The following GABRB3 variants were observed in gnomAD, a reference collection of about 807,000 sequenced individuals.
GABRB3 encodes the protein gamma-aminobutyric acid type A receptor subunit beta3, also known as gamma-aminobutyric acid receptor subunit beta-3.
GABRB3 carries 14 observed loss-of-function variants against 52.1 expected under a neutral mutation model. That is an observed-to-expected ratio of 0.27 (90% CI 0.18 to 0.42). The LOEUF (loss-of-function observed/expected upper bound fraction) is 0.42, where lower values mean the gene tolerates loss of function less well. Among genes scored for constraint, GABRB3 ranks in the 10% least tolerant of loss-of-function variants. The probability of loss-of-function intolerance (pLI) is 1.00; values close to 1 mark genes in which losing one functional copy is unlikely to be tolerated. For missense variants in GABRB3, 307 were observed against 609.1 expected, an observed-to-expected ratio of 0.50 and a Z score of 5.22; for synonymous variants, 260 against 232.3, an observed-to-expected ratio of 1.12 and a Z score of -1.08.
chr15:26,597,702 A>G (rs1445880216), intron 4 of GABRB3, among the ~76,000 whole-genome samples: 3 of 152,228 alleles, frequency 2.0e-5, no homozygotes, highest in African/African-American at 7.2e-5. Context: ...CTCCACCACC[A>G]ATACCTAACT....
intron 3 of GABRB3, among the ~76,000 whole-genome samples, chr15:26,673,223 T>A (rs924737503): frequency 6.6e-6 from 1 of 152,146 alleles, no homozygotes; most frequent in Non-Finnish European, 1.5e-5. Context: ...TCCTTCCTTC[T>A]TTCCTTCCTT....
At chr15:26,560,323 G>GT (rs1439387381) in intron 8 of GABRB3, among the ~76,000 whole-genome samples, 1 of 152,202 alleles carries the variant, frequency 6.6e-6, no homozygotes, top group Non-Finnish European at 1.5e-5. Context: ...ACTCACTTCT[G>GT]TAAGTGGAGA....
At chr15:26,664,497 T>G (rs914830124) in intron 3 of GABRB3, among the ~76,000 whole-genome samples, 1 of 152,170 alleles carries the variant, frequency 6.6e-6, no homozygotes, top group Admixed American at 6.5e-5. Flanking sequence ...GTCTTGACTG[T>G]GTATGTTTCA....
intron 3 of GABRB3, among the ~76,000 whole-genome samples, chr15:26,719,918 C>T (rs1199838017): frequency 1.3e-5 from 2 of 152,188 alleles, no homozygotes; most frequent in African/African-American, 4.8e-5. Context: ...GCCATCATAT[C>T]CCCTGTGACC....
At chr15:26,758,937 G>GC (rs1720226082) in intron 3 of GABRB3, among the ~76,000 whole-genome samples, 1 of 152,112 alleles carries the variant, frequency 6.6e-6, no homozygotes, top group South Asian at 2.1e-4. Context: ...TCCATCTACA[G>GC]CGGAAAAACC....
At chr15:26,549,061 T>A (rs1252526364) in intron 8 of GABRB3, among the ~76,000 whole-genome samples, 1 of 152,138 alleles carries the variant, frequency 6.6e-6, no homozygotes, top group African/African-American at 2.4e-5. Flanking sequence ...GGAGGGCCAT[T>A]TTCTTTGTCC....
chr15:26,684,389 A>G (rs1888335776), intron 3 of GABRB3, among the ~76,000 whole-genome samples: 1 of 152,184 alleles, frequency 6.6e-6, no homozygotes, highest in African/African-American at 2.4e-5. Context: ...AATGATGGGG[A>G]GTACGAGAGA....
chr15:26,663,420 A>G (rs1887609348), intron 3 of GABRB3, among the ~76,000 whole-genome samples: 2 of 152,210 alleles, frequency 1.3e-5, no homozygotes, highest in Non-Finnish European at 1.5e-5. Context: ...ATGCACGCAT[A>G]TTTGGGACTG....
intron 3 of GABRB3, among the ~76,000 whole-genome samples, chr15:26,741,802 G>T (rs1890215323): frequency 6.6e-6 from 1 of 152,016 alleles, no homozygotes; most frequent in Admixed American, 6.6e-5. Flanking sequence ...AGAGATGGGG[G>T]TCTCGCTATG....
Position 26,554,150 on chromosome 15 carries a change from ATATATATAAAG to A in GABRB3, c.1081-6027_1081-6017del, listed in dbSNP as rs1226445124. ...GTGTATATATATATATAAAGTATAT[ATATATATAAAG>A]TATATATATATAAAGTATATATATA... On this transcript the variant is annotated intron_variant, in intron 8 of 8. Transcript: ENST00000311550. Among the ~76,000 whole-genome samples the A allele has an allele frequency of 4.3e-5, 3 of 69,778 alleles. No individual in the cohort carries two copies. The East Asian group carries it at 8.3e-4, about 19-fold the overall frequency. The allele number at this position is 69,778 out of a possible 152,430, so 45.8% of individuals were successfully genotyped here.
At chr15:26,568,230 G>A (rs146851841) in intron 6 of GABRB3, among the ~76,000 whole-genome samples, 5 of 152,218 alleles carry the variant, frequency 3.3e-5, no homozygotes, top group African/African-American at 7.2e-5. Flanking sequence ...AATGAGAGAG[G>A]CAGAGAAGCA....
intron 4 of GABRB3, among the ~76,000 whole-genome samples, chr15:26,606,807 T>TCG (rs879451991): frequency 0.37 from 33,475 of 91,008 alleles, 5,685 homozygotes; most frequent in Non-Finnish European, 0.47. Context: ...GATATATCTA[T>TCG]AGATAGATAG....
chr15:26,707,740 G>C (rs1383145135), intron 3 of GABRB3, among the ~76,000 whole-genome samples: 2 of 152,166 alleles, frequency 1.3e-5, no homozygotes, highest in African/African-American at 4.8e-5. Flanking sequence ...TGTCACTTAG[G>C]CTTGGCAAGT....
At chr15:26,734,631 T>G (rs1595558196) in intron 3 of GABRB3, among the ~76,000 whole-genome samples, 6 of 99,996 alleles carry the variant, frequency 6.0e-5, no homozygotes, top group African/African-American at 1.7e-4. Flanking sequence ...GGCAACAGGG[T>G]GAGTCTCAAA....
intron 4 of GABRB3, among the ~76,000 whole-genome samples, chr15:26,585,732 CAAG>C (rs1291293391): frequency 6.6e-6 from 1 of 152,152 alleles, no homozygotes; most frequent in Non-Finnish European, 1.5e-5. Flanking sequence ...TCCATGGAGT[CAAG>C]GAGTGCATTA....
In GABRB3 at chr15:26,721,858, G is replaced by A. The variant is rs529357188; in HGVS notation, c.240+50544C>T. On this transcript the variant is annotated intron_variant, in intron 3 of 8. Transcript: ENST00000311550. ...AGCAGATTTCAGCTGCAACTTCATTGCTCCCAGAGGATGTAGTGGCATCTG... is the reference window on the plus strand; with the variant it reads ...AGCAGATTTCAGCTGCAACTTCATTACTCCCAGAGGATGTAGTGGCATCTG... 2.6e-5 allele frequency among the ~76,000 whole-genome samples: 4 copies of A among 152,000 alleles called. No individual in the cohort carries two copies. The South Asian group carries it at 8.4e-4, about 32-fold the overall frequency.
intron 4 of GABRB3, among the ~76,000 whole-genome samples, chr15:26,594,837 T>G (rs998609292): frequency 3.9e-5 from 6 of 152,150 alleles, no homozygotes; most frequent in Non-Finnish European, 8.8e-5. Context: ...AAGAATTTCT[T>G]TAAGTGCCAA....
chr15:26,585,907 T>C (rs1014507519), intron 4 of GABRB3, among the ~76,000 whole-genome samples: 1 of 152,224 alleles, frequency 6.6e-6, no homozygotes, highest in Admixed American at 6.5e-5. Flanking sequence ...AATGCAAAAT[T>C]AGAATAGAGT....
rs1488870782 is a variant in GABRB3, at chr15:26,545,468, T to G, written c.*2325A>C. 1 of 152,582 alleles carries G rather than the reference T, an allele frequency of 6.6e-6. No individual in the cohort carries two copies. The highest frequency in any genetic ancestry group is 1.5e-5 in the Non-Finnish European group (1 of 68,036). The allele number at this position is 152,582 out of a possible 1,614,324, so 9.5% of individuals were successfully genotyped here. A position where few individuals can be genotyped will look rare whatever the true frequency, so the allele number is the denominator to read the frequency against. ...TCAAAAAAGTTTTAAATCACTTTTC[T>G]CCCAGAAAGAATTAATGTCACAGTT... On this transcript the variant is annotated 3_prime_UTR_variant, in exon 9 of 9. Coordinates refer to ENST00000311550, the MANE Select transcript of GABRB3 (RefSeq NM_000814.6).
Sources: allele counts gnomAD v4.1 joint callset (sites outside exome capture counted in the v4.1 genomes callset), GRCh38; gene constraint gnomAD v4.1.1; transcripts MANE v1.5; gene names NCBI Gene and HGNC (gene_info 2026-07-23, HGNC 2026-07-21).